ENO3: variants seen among roughly 807,000 people sequenced by gnomAD.
ENO3 encodes the protein enolase 3, also known as beta-enolase.
In ENO3, 46 loss-of-function variants were observed where a neutral mutation model predicts 47.7. That is an observed-to-expected ratio of 0.96 (90% CI 0.76 to 1.23). The LOEUF (loss-of-function observed/expected upper bound fraction) is 1.23, where lower values mean the gene tolerates loss of function less well. Among genes scored for constraint, ENO3 ranks in the 50% most tolerant of loss-of-function variants. ENO3 has a pLI of 0.00. For synonymous variants in ENO3, 223 were observed against 225.9 expected (o/e 0.99, Z 0.11); for missense variants, 575 against 566.2 (o/e 1.02, Z -0.16).
At chr17:4,951,260 A>G in intron 1 of ENO3, 78 bp downstream of exon 1, 1 of 1,008,026 alleles carries the variant, frequency 9.9e-7, no homozygotes, top group Non-Finnish European at 1.2e-6. Flanking sequence ...AGTGGGGGAC[A>G]TTTCTGCTTT....
At position 4,956,588 on chromosome 17, in the gene ENO3, G is replaced by A. The variant is rs1971739168; in HGVS notation, c.1083G>A (p.Gln361=). 6.2e-7 allele frequency: 1 copy of A among 1,614,224 alleles called. No homozygotes were observed. The highest frequency in any genetic ancestry group is 8.5e-7 in the Non-Finnish European group (1 of 1,180,038). ...CTCCACTCAGGTGCAAACTGGCTCA[G>A]TCTAATGGCTGGGGGGTGATGGTGA... The part of the protein sequence containing the change: ...TESIQACKLA[Q]SNGWGVMVSH... Residue 361 remains glutamine, a synonymous_variant, in exon 10 of 12, where the codon CAG becomes CAA. Coordinates refer to ENST00000519602, the MANE Select transcript of ENO3 (RefSeq NM_053013.4).
At chr17:4,951,333 A>T in intron 1 of ENO3, 151 bp downstream of exon 1, 1 of 971,348 alleles carries the variant, frequency 1.0e-6, no homozygotes. Flanking sequence ...GAGCAAGCAG[A>T]TGGGACAAAC....
Position 4,955,105 on chromosome 17 carries a change from G to A in ENO3, c.475G>A (p.Ala159Thr). 2.5e-6 allele frequency: 4 copies of A among 1,611,736 alleles called. No individual in the cohort carries two copies. The highest frequency in any genetic ancestry group is 3.4e-6 in the Non-Finnish European group (4 of 1,178,528). Residue 159 changes from alanine to threonine, a missense_variant, in exon 7 of 12, where the codon GCT (alanine) becomes ACT (threonine). Ala to Thr is a moderately conservative substitution (Grantham distance 58). Transcript: ENST00000519602. Reference protein sequence around the residue: ...AFNVINGGSHAGNKLAMQEFM... With the variant: ...AFNVINGGSHTGNKLAMQEFM... The stretch of plus-strand genomic sequence containing the variant: ...CAATGTGATCAACGGGGGCTCCCAT[G>A]CTGGAAACAAGCTGGCCATGCAGGA...
At position 4,953,325 on chromosome 17, in the gene ENO3, T is replaced by A. The variant is rs1490573053; in HGVS notation, c.294T>A (p.Asp98Glu). 6.2e-7 allele frequency: 1 copy of A among 1,614,220 alleles called. No individual in the cohort carries two copies. Among genetic ancestry groups the A allele is most frequent in the South Asian group, 1.1e-5 (1 of 91,084 alleles). Residue 98 changes from aspartate (D) to glutamate (E), a missense_variant, in exon 5 of 12, where the codon GAT becomes GAA. Asp to Glu is a conservative substitution (Grantham distance 45, BLOSUM62 2). Coordinates refer to ENST00000519602, the MANE Select transcript of ENO3 (RefSeq NM_053013.4). Reference sequence around the variant, plus strand: ...TTGACAAATTTATGATTGAGCTAGATGGGACCGAGAATAAGTGTGAGTGAA... The same window carrying A: ...TTGACAAATTTATGATTGAGCTAGAAGGGACCGAGAATAAGTGTGAGTGAA... ...EKVDKFMIEL[D>E]GTENKSKFGA...
At chr17:4,954,172 T>G (rs1276317734) in intron 6 of ENO3, 1 of 432,106 alleles carries the variant, frequency 2.3e-6, no homozygotes, top group African/African-American at 2.0e-5. Flanking sequence ...ATCTTGGCAT[T>G]TCTTTGTATC....
chr17:4,949,952 G>A (rs1971492203), upstream of ENO3, among the ~76,000 whole-genome samples: 1 of 151,986 alleles, frequency 6.6e-6, no homozygotes, highest in South Asian at 2.1e-4. Context: ...CCCTACCCCA[G>A]GGTGGAAAAA....
intron 1 of ENO3, 75 bp from the exon 2 acceptor site, chr17:4,951,753 A>G: frequency 2.0e-6 from 3 of 1,522,296 alleles, no homozygotes; most frequent in Non-Finnish European, 2.7e-6. Context: ...GTGGGGAAGA[A>G]TCTTAAAGGG....
In ENO3 at chr17:4,955,468, C is replaced by T. The variant is rs1029287688; in HGVS notation, c.729C>T (p.Gly243=). ...AAGYPDKVVI[G]MDVAASEFYR... is the part of the protein sequence containing the mutation. ...GTTACCCAGACAAGGTGGTGATCGG[C>T]ATGGATGTGGCAGCATCTGAGTTCT... The change falls in exon 8 of 12, where the codon GGC becomes GGT. Residue 243 remains glycine (G), a synonymous_variant. Coordinates refer to ENST00000519602, the MANE Select transcript of ENO3 (RefSeq NM_053013.4). 5 of 1,614,124 alleles carry T rather than the reference C, an allele frequency of 3.1e-6. No homozygotes were observed. The African/African-American group carries it at 5.3e-5, about 17-fold the overall frequency.
At chr17:4,949,653 ACCGCCTCCTCCGAC>A (rs1027355045), upstream of ENO3, among the ~76,000 whole-genome samples, 1 of 151,776 alleles carries the variant, frequency 6.6e-6, no homozygotes, top group Non-Finnish European at 1.5e-5. Flanking sequence ...CCGCGGTGAA[ACCGCCTCCTCCGAC>A]CCGCCGCCGA....
chr17:4,951,549 T>TA lies in ENO3; in HGVS notation c.-2-277dup, dbSNP rs896924909. Among the ~76,000 whole-genome samples, 73 of 151,862 alleles carry TA rather than the reference T, an allele frequency of 4.8e-4. 1 individual carries two copies. Among genetic ancestry groups the TA allele is most frequent in the African/African-American group, 1.7e-3 (69 of 41,392 alleles). On this transcript the variant is annotated intron_variant, in intron 1 of 11. Coordinates refer to ENST00000519602, the MANE Select transcript of ENO3 (RefSeq NM_053013.4). ...ACCAGAGGGGTGGAAGGAGAAGGCC[T>TA]AAGTGGAGGCTTGGGGGAGGTGGGG...
chr17:4,955,108 G>A lies in ENO3; in HGVS notation c.478G>A (p.Gly160Arg). ...FNVINGGSHA[G>R]NKLAMQEFMI... ...TGTGATCAACGGGGGCTCCCATGCT[G>A]GAAACAAGCTGGCCATGCAGGAGTT... Residue 160 changes from glycine (G) to arginine (R), a missense_variant, in exon 7 of 12, where the codon GGA (glycine) becomes AGA (arginine). Physicochemically the swap from Gly to Arg is moderately radical, Grantham distance 125 (BLOSUM62 -2). Coordinates refer to ENST00000519602, the MANE Select transcript of ENO3 (RefSeq NM_053013.4). 1 of 1,613,818 alleles carries A rather than the reference G, an allele frequency of 6.2e-7. No individual in the cohort carries two copies. Among genetic ancestry groups the A allele is most frequent in the South Asian group, 1.1e-5 (1 of 91,086 alleles).
chr17:4,955,038 C>A, intron 6 of ENO3, 37 bp from the exon 7 acceptor site: 9 of 1,521,708 alleles, frequency 5.9e-6, no homozygotes, highest in Non-Finnish European at 7.2e-6. Flanking sequence ...AGCTCTCATG[C>A]CCCGGCCCAG....
At position 4,953,842 on chromosome 17, in the gene ENO3, G is replaced by A; in HGVS notation, c.441G>A (p.Val147=). The A allele has an allele frequency of 6.2e-7, 1 of 1,614,146 alleles. No homozygotes were observed. The highest frequency in any genetic ancestry group is 1.3e-5 in the African/African-American group (1 of 75,036). Residue 147 remains valine (V), a synonymous_variant, in exon 6 of 12, where the codon GTG becomes GTA. Coordinates refer to ENST00000519602, the MANE Select transcript of ENO3 (RefSeq NM_053013.4). The stretch of plus-strand genomic sequence containing the variant: ...GGAACCCTGACCTCATACTCCCAGT[G>A]CCAGTGAGTGCAGCTACCCGCCCTT... ...LAGNPDLILP[V]PAFNVINGGS... is the part of the protein sequence containing the mutation.
rs568651905 is a variant in ENO3 at position 4,955,131 on chromosome 17, G to A, written c.501G>A (p.Glu167=). 4.3e-6 allele frequency: 7 copies of A among 1,614,214 alleles called. No homozygotes were observed. The highest frequency in any genetic ancestry group is 1.7e-5 in the Admixed American group (1 of 60,034). Residue 167 remains glutamate, a synonymous_variant, in exon 7 of 12, where the codon GAG becomes GAA. Transcript: ENST00000519602. Reference sequence around the variant, plus strand: ...CTGGAAACAAGCTGGCCATGCAGGAGTTCATGATTCTGCCTGTGGGAGCCA... The same window carrying A: ...CTGGAAACAAGCTGGCCATGCAGGAATTCATGATTCTGCCTGTGGGAGCCA... ...SHAGNKLAMQ[E]FMILPVGASS... is the part of the protein sequence containing the mutation.
chr17:4,952,663 T>G, intron 2 of ENO3, 132 bp from the exon 3 acceptor site: 1 of 925,948 alleles, frequency 1.1e-6, no homozygotes, highest in Non-Finnish European at 1.7e-6. Flanking sequence ...GGTTTCGCCA[T>G]GTTAGCCAGG....
At position 4,956,123 on chromosome 17, in the gene ENO3, G is replaced by A. The variant is rs527864393; in HGVS notation, c.1047G>A (p.Ser349=). 86 of 1,613,618 alleles carry A rather than the reference G, an allele frequency of 5.3e-5. No individual in the cohort carries two copies. The highest frequency in any genetic ancestry group is 6.7e-5 in the Non-Finnish European group (79 of 1,179,960). ...TGCTGAAGGTCAACCAGATCGGCTC[G>A]GTGACCGAATCGATCCAGGCGTGAG... ...CLLLKVNQIG[S]VTESIQACKL... Residue 349 remains serine, a synonymous_variant, in exon 9 of 12, where the codon TCG becomes TCA. Coordinates refer to ENST00000519602, the MANE Select transcript of ENO3 (RefSeq NM_053013.4).
At chr17:4,953,869 C>A (rs1445027272) in intron 6 of ENO3, 24 bp downstream of exon 6, 2 of 1,613,870 alleles carry the variant, frequency 1.2e-6, no homozygotes, top group Non-Finnish European at 1.7e-6. Context: ...CCCGCCCTTC[C>A]CAGATCTCGC....
At chr17:4,949,218 A>C (rs1971475404), upstream of ENO3, 3 of 152,270 alleles carry the variant, frequency 2.0e-5, no homozygotes, top group Admixed American at 2.0e-4. Flanking sequence ...GTTTGGCCAA[A>C]TCCTCTAGTC....
upstream of ENO3, among the ~76,000 whole-genome samples, chr17:4,950,840 T>G (rs1971519638): frequency 6.6e-6 from 1 of 152,218 alleles, no homozygotes; most frequent in Admixed American, 6.5e-5. Flanking sequence ...AATGTAATCC[T>G]GGGGTGGGGG....
Sources: gnomAD v4.1 joint callset for allele counts (sites outside exome capture counted in the v4.1 genomes callset) on GRCh38, gnomAD v4.1.1 for gene constraint, MANE v1.5 for transcripts, NCBI Gene and HGNC (gene_info 2026-07-23, HGNC 2026-07-21) for gene names.